SYNDIG1: variants seen among roughly 807,000 people sequenced by gnomAD.
The protein encoded by SYNDIG1 is synapse differentiation inducing 1.
A neutral mutation model predicts 19.4 loss-of-function variants in SYNDIG1; 9 were observed. The observed-to-expected ratio is 0.46, with a 90% CI of 0.28 to 0.81. The LOEUF is 0.81. SYNDIG1 is among the 30% of genes least tolerant of loss of function. The pLI is 0.12. For missense variants in SYNDIG1, 311 were observed against 343.3 expected, an observed-to-expected ratio of 0.91 and a Z score of 0.74; for synonymous variants, 141 against 145.9, an observed-to-expected ratio of 0.97 and a Z score of 0.24.
At chr20:24,610,497 C>T (rs1700131164) in intron 3 of SYNDIG1, among the ~76,000 whole-genome samples, 1 of 152,204 alleles carries the variant, frequency 6.6e-6, no homozygotes, top group Admixed American at 6.5e-5. Context: ...CTATCCCCAT[C>T]TCTGATTCCA....
chr20:24,562,509 A>G (rs1013608684), intron 2 of SYNDIG1, among the ~76,000 whole-genome samples: 2 of 152,176 alleles, frequency 1.3e-5, no homozygotes, highest in South Asian at 2.1e-4. Context: ...TCTTTACACT[A>G]TTATCTTAGA....
intron 1 of SYNDIG1, among the ~76,000 whole-genome samples, chr20:24,534,079 GT>G (rs2057314926): frequency 6.6e-6 from 1 of 151,990 alleles, no homozygotes; most frequent in Non-Finnish European, 1.5e-5. Context: ...AGAGGAGGGG[GT>G]CCCAGTCTCT....
chr20:24,597,057 T>G (rs2058607054), intron 3 of SYNDIG1: 1 of 152,284 alleles, frequency 6.6e-6, no homozygotes. Flanking sequence ...GAAGGCCGTC[T>G]GACCCTGTCT....
chr20:24,507,599 C>G (rs2056625138), intron 1 of SYNDIG1, among the ~76,000 whole-genome samples: 1 of 152,168 alleles, frequency 6.6e-6, no homozygotes, highest in Non-Finnish European at 1.5e-5. Context: ...AGTCCCCTTG[C>G]CTGCACCTGC....
intron 2 of SYNDIG1, among the ~76,000 whole-genome samples, chr20:24,548,850 C>T (rs2146775617): frequency 6.6e-6 from 1 of 152,250 alleles, no homozygotes; most frequent in Non-Finnish European, 1.5e-5. Flanking sequence ...TCTTTGTAGA[C>T]ACTCATAATC....
intron 1 of SYNDIG1, among the ~76,000 whole-genome samples, chr20:24,486,281 C>T (rs548450544): frequency 1.1e-4 from 16 of 152,302 alleles, no homozygotes; most frequent in African/African-American, 3.8e-4. Context: ...GGTGGCAACC[C>T]CCTTGCCTGG....
chr20:24,632,316 T>G (rs2059256392), intron 3 of SYNDIG1, among the ~76,000 whole-genome samples: 1 of 152,226 alleles, frequency 6.6e-6, no homozygotes, highest in Admixed American at 6.5e-5. Context: ...CACAACTCAC[T>G]GCAAACTCTG....
At chr20:24,498,936 G>A (rs1351843220) in intron 1 of SYNDIG1, among the ~76,000 whole-genome samples, 2 of 152,146 alleles carry the variant, frequency 1.3e-5, no homozygotes, top group African/African-American at 2.4e-5. Context: ...AGGGTGGTTC[G>A]AGTTTCCATT....
intron 3 of SYNDIG1, among the ~76,000 whole-genome samples, chr20:24,609,948 G>T (rs545071094): frequency 4.7e-4 from 71 of 152,186 alleles, no homozygotes; most frequent in African/African-American, 1.7e-3. Context: ...TATGTTCCCA[G>T]GCCCATCCCA....
chr20:24,513,857 G>A (rs1241574527), intron 1 of SYNDIG1, among the ~76,000 whole-genome samples: 2 of 152,178 alleles, frequency 1.3e-5, no homozygotes, highest in Non-Finnish European at 2.9e-5. Context: ...AGGAAAAAAT[G>A]TTAAGGGCAG....
chr20:24,513,556 G>A (rs199556559), intron 1 of SYNDIG1, among the ~76,000 whole-genome samples: 3 of 152,182 alleles, frequency 2.0e-5, no homozygotes, highest in Admixed American at 6.5e-5. Context: ...GAAATGAAGC[G>A]AGAAGAGAAG....
At chr20:24,586,560 A>C (rs915050266) in intron 3 of SYNDIG1, among the ~76,000 whole-genome samples, 3 of 152,222 alleles carry the variant, frequency 2.0e-5, no homozygotes, top group African/African-American at 7.2e-5. Flanking sequence ...TGATGCTGCC[A>C]ATAGACAAGA....
In SYNDIG1 at chr20:24,665,328, T is replaced by C. The variant is rs1302792589; in HGVS notation, c.619-18T>C. 2 of 1,583,498 alleles carry C rather than the reference T, an allele frequency of 1.3e-6. No homozygotes were observed. Among genetic ancestry groups the C allele is most frequent in the African/African-American group, 1.4e-5 (1 of 73,036 alleles). On this transcript the variant is annotated intron_variant, in intron 3 of 3. Coordinates refer to ENST00000376862, the MANE Select transcript of SYNDIG1 (RefSeq NM_024893.3). The stretch of plus-strand genomic sequence containing the variant: ...GACTTGCTTACAATGACTTCCTTTT[T>C]CTTCTCCAACTCTGCAGACCAACAA...
chr20:24,558,608 T>C (rs1187463185), intron 2 of SYNDIG1, among the ~76,000 whole-genome samples: 3 of 152,248 alleles, frequency 2.0e-5, no homozygotes, highest in Non-Finnish European at 2.9e-5. Flanking sequence ...TATTATTGTT[T>C]CTCTACTTCT....
chr20:24,664,697 T>A (rs2059632164), intron 3 of SYNDIG1, among the ~76,000 whole-genome samples: 1 of 152,174 alleles, frequency 6.6e-6, no homozygotes, highest in Admixed American at 6.5e-5. Context: ...ATCAAATGAT[T>A]TTATTGATGG....
chr20:24,509,896 G>T (rs1276773595), intron 1 of SYNDIG1, among the ~76,000 whole-genome samples: 1 of 152,164 alleles, frequency 6.6e-6, no homozygotes. Context: ...TTATGGGGGT[G>T]GTTTCTTCAT....
intron 3 of SYNDIG1, among the ~76,000 whole-genome samples, chr20:24,623,979 C>A (rs911402884): frequency 6.6e-6 from 1 of 152,110 alleles, no homozygotes; most frequent in Non-Finnish European, 1.5e-5. Context: ...TGAGACCCAA[C>A]TGGCTGGGTG....
rs1326419478 is a variant in SYNDIG1 at position 24,585,049 on chromosome 20, G to T, written c.618+56G>T. 2.4e-6 allele frequency: 3 copies of T among 1,266,518 alleles called. 1 individual carries two copies. The highest frequency in any genetic ancestry group is 3.3e-6 in the Non-Finnish European group (3 of 905,708). The allele number at this position is 1,266,518 out of a possible 1,614,324, so 78.5% of individuals were successfully genotyped here. The stretch of plus-strand genomic sequence containing the variant: ...GTGCAGGTGTTCACAGGGTGGGGGT[G>T]GGGGCGGCAATCCCAGCCGAGGAGG... On this transcript the variant is annotated intron_variant, in intron 3 of 3. Transcript: ENST00000376862.
intron 3 of SYNDIG1, among the ~76,000 whole-genome samples, chr20:24,640,610 G>A (rs912912492): frequency 2.0e-5 from 3 of 152,046 alleles, no homozygotes; most frequent in African/African-American, 7.2e-5. Flanking sequence ...GTAAACAAAT[G>A]TGTTTTGTTT....
Sources: gnomAD v4.1 joint callset for allele counts (sites outside exome capture counted in the v4.1 genomes callset) on GRCh38, gnomAD v4.1.1 for gene constraint, MANE v1.5 for transcripts, NCBI Gene and HGNC (gene_info 2026-07-23, HGNC 2026-07-21) for gene names.